The following CACNB2 variants were observed in gnomAD, a reference collection of about 807,000 sequenced individuals.
CACNB2 encodes the protein calcium voltage-gated channel auxiliary subunit beta 2.
In CACNB2, 42 loss-of-function variants were observed where a neutral mutation model predicts 73.3. That is an observed-to-expected ratio of 0.57 (90% confidence interval 0.45 to 0.74). The LOEUF (loss-of-function observed/expected upper bound fraction) is 0.74, where lower values mean the gene tolerates loss of function less well. Ranked by LOEUF, CACNB2 falls within the 30% of genes least tolerant of loss-of-function variation. CACNB2 has a pLI of 0.00. For missense variants in CACNB2, 940 were observed against 853.0 expected, an observed-to-expected ratio of 1.10 and a Z score of -1.27; for synonymous variants, 348 against 310.3, an observed-to-expected ratio of 1.12 and a Z score of -1.28.
intron 2 of CACNB2, among the ~76,000 whole-genome samples, chr10:18,224,904 A>C (rs984586534): frequency 1.3e-5 from 2 of 152,174 alleles, no homozygotes; most frequent in African/African-American, 4.8e-5. Context: ...CCTGACAGGC[A>C]CATTCATCTA....
chr10:18,296,839 A>C (rs143456749), intron 2 of CACNB2, among the ~76,000 whole-genome samples: 10 of 152,314 alleles, frequency 6.6e-5, no homozygotes, highest in Admixed American at 2.0e-4. Context: ...ATAGTGAGAA[A>C]GTATGTGCGG....
At chr10:18,397,493 C>T (rs139552316) in intron 2 of CACNB2, among the ~76,000 whole-genome samples, 38 of 151,650 alleles carry the variant, frequency 2.5e-4, no homozygotes, top group African/African-American at 8.7e-4. Flanking sequence ...GAAAGGGTGA[C>T]GCTTTCTTGT....
chr10:18,510,610 T>C (rs898176389), intron 6 of CACNB2, among the ~76,000 whole-genome samples: 3 of 152,198 alleles, frequency 2.0e-5, no homozygotes, highest in Admixed American at 2.0e-4. Flanking sequence ...GCCTCACTCT[T>C]ATTTTAAAAA....
rs549547614 is a variant in CACNB2 at position 18,216,227 on chromosome 10, G to A, written c.213+65252G>A. 4.7e-4 allele frequency among the ~76,000 whole-genome samples: 72 copies of A among 152,256 alleles called. No individual in the cohort carries two copies. The South Asian group carries it at 1.0e-2, about 21-fold the overall frequency. ...CAGGAGAATTGCTTGAACCTGGGAG[G>A]TGGTGGTTGCAGTGAGCCAAGATTA... is the stretch of plus-strand genomic sequence containing the variant. On this transcript the variant is annotated intron_variant, in intron 2 of 13. Transcript: ENST00000324631.
rs59858946 is a variant in CACNB2 at position 18,495,545 on chromosome 10, CTGTGTGTGTGTGTGTGTGTG to C, written c.334-2782_334-2763del. ...AAATATATTTTTAAAAGTATAAAAA[CTGTGTGTGTGTGTGTGTGTG>C]TGTGTGTGTGTGTGTGTGTGTGTGT... On this transcript the variant is annotated intron_variant, in intron 3 of 13. Coordinates refer to ENST00000324631, the MANE Select transcript of CACNB2 (RefSeq NM_201596.3). Among the ~76,000 whole-genome samples the C allele has an allele frequency of 1.1e-4, 14 of 124,708 alleles. No individual in the cohort carries two copies. The South Asian group carries it at 1.3e-3, about 12-fold the overall frequency. The allele number at this position is 124,708 out of a possible 152,430, so 81.8% of individuals were successfully genotyped here. A position where few individuals can be genotyped will look rare whatever the true frequency, so the allele number is the denominator to read the frequency against.
chr10:18,500,932 G>T lies in CACNB2; in HGVS notation c.577G>T (p.Gly193Trp). 1 of 1,614,086 alleles carries T rather than the reference G, an allele frequency of 6.2e-7. No individual in the cohort carries two copies. The highest frequency in any genetic ancestry group is 8.5e-7 in the Non-Finnish European group (1 of 1,179,988). Residue 193 changes from glycine to tryptophan, a missense_variant, in exon 5 of 14, where the codon GGG becomes TGG. Coordinates refer to ENST00000324631, the MANE Select transcript of CACNB2 (RefSeq NM_201596.3). ...RLQHEQRAKQGKFYSSKSGGN... is the reference protein window; with the variant it reads ...RLQHEQRAKQWKFYSSKSGGN... ...GCAGCATGAACAGAGAGCCAAGCAA[G>T]GGAAATTCTACTCCAGGTATGAGAC... is the stretch of plus-strand genomic sequence containing the variant.
intron 3 of CACNB2, among the ~76,000 whole-genome samples, chr10:18,405,199 C>T (rs1428806157): frequency 6.6e-6 from 1 of 152,150 alleles, no homozygotes. Flanking sequence ...TCACTATAAT[C>T]AGTTTTAGAG....
chr10:18,262,988 A>G (rs1047927282), intron 2 of CACNB2, among the ~76,000 whole-genome samples: 4 of 152,240 alleles, frequency 2.6e-5, no homozygotes, highest in African/African-American at 4.8e-5. Context: ...TATTTTGAAT[A>G]AAGTACCACA....
chr10:18,286,515 C>CT (rs1463694799), intron 2 of CACNB2, among the ~76,000 whole-genome samples: 17 of 52,708 alleles, frequency 3.2e-4, no homozygotes, highest in Admixed American at 7.0e-4. Flanking sequence ...GAGATTCTGT[C>CT]TCAAAAAAAA....
intron 6 of CACNB2, among the ~76,000 whole-genome samples, chr10:18,512,595 C>T (rs950212107): frequency 6.6e-5 from 10 of 151,986 alleles, no homozygotes; most frequent in African/African-American, 2.2e-4. Flanking sequence ...CGGTTTCGGA[C>T]CATGGATTTT....
intron 2 of CACNB2, among the ~76,000 whole-genome samples, chr10:18,380,452 CTTTTTTTTTTTTTTTT>C (rs757792853): frequency 9.0e-6 from 1 of 111,022 alleles, no homozygotes; most frequent in African/African-American, 3.4e-5. Flanking sequence ...ATGTGTTTTT[CTTTTTTTTTTTTTTTT>C]TTTTGAGATG....
chr10:18,391,607 G>T (rs1197408377), intron 2 of CACNB2, among the ~76,000 whole-genome samples: 1 of 152,084 alleles, frequency 6.6e-6, no homozygotes, highest in East Asian at 1.9e-4. Context: ...AAACAATATC[G>T]TAAGTAAATT....
chr10:18,395,039 T>C (rs2043650799), intron 2 of CACNB2, among the ~76,000 whole-genome samples: 1 of 152,154 alleles, frequency 6.6e-6, no homozygotes, highest in South Asian at 2.1e-4. Context: ...GGTAATCCCA[T>C]GTTGATGGAG....
chr10:18,169,595 T>C (rs957263422), intron 2 of CACNB2, among the ~76,000 whole-genome samples: 1 of 152,232 alleles, frequency 6.6e-6, no homozygotes, highest in African/African-American at 2.4e-5. Context: ...CATTCACTTT[T>C]AGGCTTTTGA....
chr10:18,357,248 A>T (rs1000256063), intron 2 of CACNB2, among the ~76,000 whole-genome samples: 1 of 152,084 alleles, frequency 6.6e-6, no homozygotes, highest in African/African-American at 2.4e-5. Flanking sequence ...CGGCTGACTC[A>T]ATTTCTTTTA....
chr10:18,325,523 T>C (rs1387736943), intron 2 of CACNB2, among the ~76,000 whole-genome samples: 3 of 122,236 alleles, frequency 2.5e-5, no homozygotes, highest in African/African-American at 5.2e-5. Context: ...TCTTTCTTTC[T>C]CTTTCTTTCT....
chr10:18,419,114 G>T (rs1027414718), intron 3 of CACNB2, among the ~76,000 whole-genome samples: 1 of 152,188 alleles, frequency 6.6e-6, no homozygotes, highest in African/African-American at 2.4e-5. Flanking sequence ...ACAATCTAAA[G>T]CTCTTTGGCT....
chr10:18,208,509 A>G (rs1341938078), intron 2 of CACNB2, among the ~76,000 whole-genome samples: 7 of 151,894 alleles, frequency 4.6e-5, no homozygotes, highest in African/African-American at 1.2e-4. Flanking sequence ...CTACTTGGCA[A>G]GCTGAGGTGG....
Position 18,502,285 on chromosome 10 carries a change from G to C in CACNB2, c.593+1337G>C, listed in dbSNP as rs1411187692. ...TTCGTGCCACTGCATTCCAGCCTGG[G>C]CGACAGAGTGAGACTCTATCTCAAA... On this transcript the variant is annotated intron_variant, in intron 5 of 13. Coordinates refer to ENST00000324631, the MANE Select transcript of CACNB2 (RefSeq NM_201596.3). 2.4e-4 allele frequency among the ~76,000 whole-genome samples: 35 copies of C among 148,000 alleles called. No individual in the cohort carries two copies. The Admixed American group carries it at 2.4e-3, about 10-fold the overall frequency.
Sources: allele counts gnomAD v4.1 joint callset (sites outside exome capture counted in the v4.1 genomes callset), GRCh38; gene constraint gnomAD v4.1.1; transcripts MANE v1.5; gene names NCBI Gene and HGNC (gene_info 2026-07-23, HGNC 2026-07-21).